SPATA17: variants seen among roughly 807,000 people sequenced by gnomAD.
SPATA17 encodes spermatogenesis-associated protein 17.
Under a neutral mutation model 62.2 loss-of-function variants are expected in SPATA17, and 53 were observed. That is an observed-to-expected ratio of 0.85 (90% confidence interval 0.68 to 1.07). SPATA17 has a LOEUF of 1.07. SPATA17 is among the 50% of genes least tolerant of loss of function. The pLI is 0.00. For missense variants in SPATA17, 466 were observed against 425.5 expected (o/e 1.10, Z -0.84); for synonymous variants, 146 against 146.8 (o/e 0.99, Z 0.04).
chr1:217,778,705 A>T (rs1402052645), intron 7 of SPATA17, among the ~76,000 whole-genome samples: 2 of 152,192 alleles, frequency 1.3e-5, no homozygotes, highest in Non-Finnish European at 2.9e-5. Flanking sequence ...GGTCATCTGA[A>T]CCAAACTACC....
At chr1:217,636,572 C>G (rs1571695532) in intron 1 of SPATA17, among the ~76,000 whole-genome samples, 2 of 152,048 alleles carry the variant, frequency 1.3e-5, no homozygotes, top group Non-Finnish European at 1.5e-5. Context: ...GCCACCACAC[C>G]CAGCTAATTT....
intron 6 of SPATA17, among the ~76,000 whole-genome samples, chr1:217,752,437 A>G (rs1672938775): frequency 6.6e-6 from 1 of 152,214 alleles, no homozygotes; most frequent in South Asian, 2.1e-4. Flanking sequence ...GCTTTAATTA[A>G]CTGCCTGAAA....
At chr1:217,850,158 C>G (rs1415759125) in intron 9 of SPATA17, among the ~76,000 whole-genome samples, 1 of 152,106 alleles carries the variant, frequency 6.6e-6, no homozygotes, top group Admixed American at 6.6e-5. Flanking sequence ...TGGAAGTCTT[C>G]TAATGAATAA....
At chr1:217,653,316 G>C (rs1210498398) in intron 3 of SPATA17, among the ~76,000 whole-genome samples, 1 of 152,116 alleles carries the variant, frequency 6.6e-6, no homozygotes, top group Non-Finnish European at 1.5e-5. Context: ...ATAATAAATA[G>C]GAAAGAAAAT....
chr1:217,821,499 G>C (rs1674861758), intron 9 of SPATA17, among the ~76,000 whole-genome samples: 1 of 152,036 alleles, frequency 6.6e-6, no homozygotes, highest in Non-Finnish European at 1.5e-5. Flanking sequence ...CATAGATTTA[G>C]CAAAATGAAG....
At chr1:217,633,133 GGTT>G (rs1669855828) in intron 1 of SPATA17, among the ~76,000 whole-genome samples, 1 of 152,146 alleles carries the variant, frequency 6.6e-6, no homozygotes, top group African/African-American at 2.4e-5. Context: ...AGGAGGCAGA[GGTT>G]GTAGTGAGCC....
At chr1:217,845,691 G>A (rs1162885332) in intron 9 of SPATA17, among the ~76,000 whole-genome samples, 1 of 152,088 alleles carries the variant, frequency 6.6e-6, no homozygotes, top group African/African-American at 2.4e-5. Flanking sequence ...AACGCTCGTG[G>A]TGGGGTCAAA....
intron 5 of SPATA17, 36 bp from the exon 6 acceptor site, chr1:217,741,939 T>C (rs775804103): frequency 1.9e-6 from 3 of 1,612,026 alleles, no homozygotes; most frequent in Non-Finnish European, 2.5e-6. Context: ...TGTTAACACA[T>C]AGTATCATAA....
At chr1:217,689,316 C>G (rs1003831175) in intron 5 of SPATA17, among the ~76,000 whole-genome samples, 1 of 143,462 alleles carries the variant, frequency 7.0e-6, no homozygotes, top group East Asian at 2.1e-4. Context: ...ATCTCTGCCT[C>G]CCTGGTTCAA....
intron 6 of SPATA17, among the ~76,000 whole-genome samples, chr1:217,760,026 A>G (rs1052902957): frequency 9.2e-5 from 14 of 152,220 alleles, no homozygotes; most frequent in Middle Eastern, 3.2e-3. Flanking sequence ...GGAAAAAATA[A>G]AGACATATAC....
chr1:217,796,110 TA>T (rs1317416508), intron 8 of SPATA17, among the ~76,000 whole-genome samples: 6 of 152,210 alleles, frequency 3.9e-5, no homozygotes, highest in African/African-American at 1.4e-4. Context: ...GTGATTTATA[TA>T]AGTCCGTAAA....
At chr1:217,778,221 C>A (rs781217539) in intron 7 of SPATA17, among the ~76,000 whole-genome samples, 14 of 151,928 alleles carry the variant, frequency 9.2e-5, no homozygotes, top group Non-Finnish European at 1.8e-4. Flanking sequence ...TTTAATAATC[C>A]ACACTGCTGG....
intron 9 of SPATA17, among the ~76,000 whole-genome samples, chr1:217,852,831 T>G (rs1160329929): frequency 6.6e-6 from 1 of 152,148 alleles, no homozygotes; most frequent in East Asian, 1.9e-4. Context: ...CCTTTGGGTT[T>G]GTCCTCAAAT....
chr1:217,651,265 G>A (rs1465746461), intron 3 of SPATA17, 87 bp downstream of exon 3: 2 of 1,065,544 alleles, frequency 1.9e-6, no homozygotes, highest in Admixed American at 5.5e-5. Context: ...ATATAGTTTG[G>A]AAATTACTGA....
intron 1 of SPATA17, among the ~76,000 whole-genome samples, chr1:217,647,568 A>G (rs1670214514): frequency 6.6e-6 from 1 of 152,162 alleles, no homozygotes; most frequent in Admixed American, 6.5e-5. Flanking sequence ...TGTGGCAAAT[A>G]TTATGAAGCT....
At chr1:217,855,010 C>T (rs1675748668) in intron 9 of SPATA17, among the ~76,000 whole-genome samples, 1 of 152,198 alleles carries the variant, frequency 6.6e-6, no homozygotes, top group African/African-American at 2.4e-5. Context: ...AGTTACTCCC[C>T]TTCTTGAGCA....
At chr1:217,776,062 T>A (rs1315951342) in intron 7 of SPATA17, among the ~76,000 whole-genome samples, 1 of 152,152 alleles carries the variant, frequency 6.6e-6, no homozygotes. Flanking sequence ...TAAACAAAAC[T>A]TGGGTTTGAG....
At chr1:217,846,184 T>C (rs779825103) in intron 9 of SPATA17, among the ~76,000 whole-genome samples, 1 of 152,104 alleles carries the variant, frequency 6.6e-6, no homozygotes, top group African/African-American at 2.4e-5. Flanking sequence ...ATTCTAGATA[T>C]ATCATTAATG....
intron 9 of SPATA17, among the ~76,000 whole-genome samples, chr1:217,817,120 C>T (rs1389250002): frequency 6.6e-6 from 1 of 151,936 alleles, no homozygotes; most frequent in Admixed American, 6.6e-5. Context: ...TGTTTAAATA[C>T]CATTAAAAGA....
Sources: allele counts gnomAD v4.1 joint callset (sites outside exome capture counted in the v4.1 genomes callset), GRCh38; gene constraint gnomAD v4.1.1; transcripts MANE v1.5; gene names NCBI Gene and HGNC (gene_info 2026-07-23, HGNC 2026-07-21).